Variants in CAMTA1 observed in about 807,000 individuals in gnomAD.
CAMTA1 encodes the protein calmodulin binding transcription activator 1.
CAMTA1 carries 27 observed loss-of-function variants against 170.9 expected under a neutral mutation model. That is an observed-to-expected ratio of 0.16 (90% CI 0.12 to 0.22). CAMTA1 has a LOEUF of 0.22. CAMTA1 is among the 10% of genes least tolerant of loss of function. The pLI, the probability that CAMTA1 is intolerant of heterozygous loss-of-function variation, is 1.00. For synonymous variants in CAMTA1, 833 were observed against 891.5 expected (o/e 0.93, Z 1.17); for missense variants, 1,619 against 2,217.2 (o/e 0.73, Z 5.42).
At chr1:7,037,152 A>G (rs905530882) in intron 3 of CAMTA1, among the ~76,000 whole-genome samples, 1 of 152,228 alleles carries the variant, frequency 6.6e-6, no homozygotes, top group African/African-American at 2.4e-5. Context: ...GAGACGATAC[A>G]CTTGCTCATT....
chr1:6,867,972 T>A (rs1667167539), intron 3 of CAMTA1, among the ~76,000 whole-genome samples: 1 of 152,044 alleles, frequency 6.6e-6, no homozygotes, highest in South Asian at 2.1e-4. Context: ...CACACCCAGC[T>A]AATGTTAATT....
rs2096775196 is a variant in CAMTA1 at position 7,736,694 on chromosome 1, T to C, written c.3263+154T>C. ...TGTCCTTGGACAGTTTCCAAGGGAG[T>C]TTTATAAACTTCTTCCCAAGAAATA... On this transcript the variant is annotated intron_variant, in intron 13 of 22. Coordinates refer to ENST00000303635, the MANE Select transcript of CAMTA1 (RefSeq NM_015215.4). This position sits in a 1 kb window ranked among gnomAD's most constrained non-coding sequence, Gnocchi z 4.5. Among the ~76,000 whole-genome samples, 2 of 152,044 alleles carry C rather than the reference T, an allele frequency of 1.3e-5. No homozygotes were observed. Among genetic ancestry groups the C allele is most frequent in the Non-Finnish European group, 2.9e-5 (2 of 68,008 alleles).
rs964891982 is a variant in CAMTA1, at chr1:7,467,707, C to T, written c.439-123C>T. On this transcript the variant is annotated intron_variant, in intron 5 of 22. Transcript: ENST00000303635. ...CTGGAGCCAGACGCAGAGGTGCCCT[C>T]GGTCTCCCTGGGCCGCTGCCAGGCG... The T allele has an allele frequency of 2.4e-5, 21 of 877,714 alleles. No homozygotes were observed. The East Asian group carries it at 2.4e-4, about 10-fold the overall frequency. 54.4% of individuals were successfully genotyped at this position (877,714 alleles called of 1,614,324 possible).
chr1:6,968,349 C>T (rs1462834548), intron 3 of CAMTA1, among the ~76,000 whole-genome samples: 2 of 152,128 alleles, frequency 1.3e-5, no homozygotes, highest in Admixed American at 6.5e-5. Flanking sequence ...GCCCCTCTCC[C>T]GTCCTTTATT....
intron 3 of CAMTA1, among the ~76,000 whole-genome samples, chr1:6,953,229 G>A (rs965537636): frequency 5.3e-5 from 8 of 152,124 alleles, no homozygotes; most frequent in South Asian, 2.1e-4. Context: ...TCGTGGAGCC[G>A]AGCCCAGTCT....
At chr1:7,015,785 G>A (rs182200183) in intron 3 of CAMTA1, among the ~76,000 whole-genome samples, 24 of 150,752 alleles carry the variant, frequency 1.6e-4, no homozygotes, top group Non-Finnish European at 2.4e-4. Flanking sequence ...ACTTAGGATC[G>A]TGGCGGAAGG....
At position 7,661,783 on chromosome 1, in the gene CAMTA1, A is replaced by G; in HGVS notation, c.722A>G (p.Glu241Gly). Residue 241 changes from glutamate to glycine, a missense_variant, in exon 8 of 23, where the codon GAA (glutamate) becomes GGA (glycine). Physicochemically the swap from Glu to Gly is moderately conservative, Grantham distance 98. Around this residue, in one of 8 missense-constraint regions of CAMTA1, gnomAD observed 731 missense variants for 907.6 expected, o/e 0.81. Coordinates refer to ENST00000303635, the MANE Select transcript of CAMTA1 (RefSeq NM_015215.4). ...AACAGCAGCTCAGGCTTCTCGGTGGAACAGCTGGTGCAGCAGATCCTCGAC... is the reference window on the plus strand; with the variant it reads ...AACAGCAGCTCAGGCTTCTCGGTGGGACAGCTGGTGCAGCAGATCCTCGAC... ...NGNSSSGFSV[E>G]QLVQQILDSH... 6.2e-7 allele frequency: 1 copy of G among 1,612,264 alleles called. No individual in the cohort carries two copies. Among genetic ancestry groups the G allele is most frequent in the Non-Finnish European group, 8.5e-7 (1 of 1,179,376 alleles).
chr1:7,136,092 G>C (rs1350450779), intron 4 of CAMTA1, among the ~76,000 whole-genome samples: 3 of 151,438 alleles, frequency 2.0e-5, no homozygotes, highest in Non-Finnish European at 4.4e-5. Context: ...CCTACCCCAG[G>C]CCCTGGTGCT....
In CAMTA1 at chr1:7,732,476, A is replaced by G; in HGVS notation, c.2943A>G (p.Glu981=). 6.2e-7 allele frequency: 1 copy of G among 1,614,052 alleles called. No individual in the cohort carries two copies. Among genetic ancestry groups the G allele is most frequent in the Non-Finnish European group, 8.5e-7 (1 of 1,180,016 alleles). The change falls in exon 12 of 23, where the codon GAA becomes GAG. Residue 981 remains glutamate (E), a synonymous_variant. Coordinates refer to ENST00000303635, the MANE Select transcript of CAMTA1 (RefSeq NM_015215.4). This position sits in a 1 kb window ranked among gnomAD's most constrained non-coding sequence, Gnocchi z 4.1. The part of the protein sequence containing the change: ...DDNQFRMSIL[E]RLEQMERRMA... Reference sequence around the variant, plus strand: ...ACCAGTTCAGGATGTCCATCCTGGAACGACTGGAGCAGATGGAGAGGAGGA... The same window carrying G: ...ACCAGTTCAGGATGTCCATCCTGGAGCGACTGGAGCAGATGGAGAGGAGGA...
In CAMTA1 at chr1:7,286,594, G is replaced by A. The variant is rs112778551; in HGVS notation, c.438+36968G>A. Among the ~76,000 whole-genome samples the A allele has an allele frequency of 7.7e-3, 1,178 of 152,280 alleles. 9 individuals are homozygous for A. Among genetic ancestry groups the A allele is most frequent in the Middle Eastern group, 0.02 (6 of 294 alleles). ...ATTGTAGTATCAATGCAGGATTTTG[G>A]CAGCAATGCGTTTCTATAAGAAGTG... On this transcript the variant is annotated intron_variant, in intron 5 of 22. Transcript: ENST00000303635. The surrounding 1 kb of genome is among the most constrained non-coding windows in gnomAD (Gnocchi z 4.2).
At chr1:7,152,813 C>G (rs1342499926) in intron 4 of CAMTA1, among the ~76,000 whole-genome samples, 1 of 152,212 alleles carries the variant, frequency 6.6e-6, no homozygotes, top group Non-Finnish European at 1.5e-5. Context: ...AATTTGGCAT[C>G]TGTATGAACC....
chr1:7,203,489 G>GTT (rs34908605), intron 4 of CAMTA1, among the ~76,000 whole-genome samples: 7 of 138,732 alleles, frequency 5.0e-5, no homozygotes, highest in South Asian at 2.3e-4. Flanking sequence ...CTTGTGGGTA[G>GTT]TTTTTTTTTT....
chr1:6,962,363 G>T lies in CAMTA1; in HGVS notation c.235-128941G>T, dbSNP rs944494279. Among the ~76,000 whole-genome samples the T allele has an allele frequency of 3.1e-4, 16 of 51,288 alleles. No homozygotes were observed. The East Asian group carries it at 0.015, about 49-fold the overall frequency. The allele number at this position is 51,288 out of a possible 152,430, so 33.6% of individuals were successfully genotyped here. A position where few individuals can be genotyped will look rare whatever the true frequency, so the allele number is the denominator to read the frequency against. ...GAGAGCGCCTGCCCCTCCCCACCCC[G>T]CCCCGCCCCTCCTCCCTTCCACTCC... On this transcript the variant is annotated intron_variant, in intron 3 of 22. Coordinates refer to ENST00000303635, the MANE Select transcript of CAMTA1 (RefSeq NM_015215.4).
At chr1:7,529,467 G>A (rs1002769252) in intron 6 of CAMTA1, among the ~76,000 whole-genome samples, 4 of 152,154 alleles carry the variant, frequency 2.6e-5, no homozygotes, top group African/African-American at 9.7e-5. Context: ...AGAACCCTTC[G>A]AGGTAGAAAA....
At position 7,609,552 on chromosome 1, in the gene CAMTA1, C is replaced by T. The variant is rs1364909523; in HGVS notation, c.511-30848C>T. On this transcript the variant is annotated intron_variant, in intron 6 of 22. Transcript: ENST00000303635. This position sits in a 1 kb window ranked among gnomAD's most constrained non-coding sequence, Gnocchi z 4.4. The stretch of plus-strand genomic sequence containing the variant: ...TGCCACCCCTCTCTCAGGCTCCAGT[C>T]CAGCCCTGCAGGAGTGAGCCAGCCT... Among the ~76,000 whole-genome samples, 3 of 152,206 alleles carry T rather than the reference C, an allele frequency of 2.0e-5. No homozygotes were observed. Among genetic ancestry groups the T allele is most frequent in the Admixed American group, 2.0e-4 (3 of 15,286 alleles).
At chr1:7,670,432 A>G (rs2096049028) in intron 9 of CAMTA1, among the ~76,000 whole-genome samples, 1 of 152,060 alleles carries the variant, frequency 6.6e-6, no homozygotes, top group Non-Finnish European at 1.5e-5. Context: ...AACTCCCTAC[A>G]AGAACTTCTG....
intron 5 of CAMTA1, among the ~76,000 whole-genome samples, chr1:7,315,077 C>T (rs1018585046): frequency 6.6e-6 from 1 of 152,176 alleles, no homozygotes; most frequent in Admixed American, 6.5e-5. Flanking sequence ...GCAGAGAAGA[C>T]AAAGAGTGAA....
intron 3 of CAMTA1, among the ~76,000 whole-genome samples, chr1:6,906,816 G>T (rs1011248113): frequency 1.2e-4 from 18 of 152,178 alleles, no homozygotes; most frequent in African/African-American, 3.9e-4. Flanking sequence ...ATATTCTCAT[G>T]TAGTTATTAT....
At chr1:7,069,746 T>C (rs1638357879) in intron 3 of CAMTA1, among the ~76,000 whole-genome samples, 1 of 152,118 alleles carries the variant, frequency 6.6e-6, no homozygotes, top group Non-Finnish European at 1.5e-5. Context: ...AGGGCTTGTG[T>C]GTGGCTGCTA....
Sources: gnomAD v4.1 joint callset for allele counts (sites outside exome capture counted in the v4.1 genomes callset) on GRCh38, gnomAD v4.1.1 for gene constraint, gnomAD v4.1.1 regional missense constraint, Gnocchi (gnomAD v3.1) non-coding constraint, MANE v1.5 for transcripts, NCBI Gene and HGNC (gene_info 2026-07-23, HGNC 2026-07-21) for gene names.